The following PCDH9 variants were observed in gnomAD, a reference collection of about 807,000 sequenced individuals.
PCDH9 encodes the protein protocadherin 9.
Under a neutral mutation model 70.6 loss-of-function variants are expected in PCDH9, and 24 were observed. The observed-to-expected ratio is 0.34, with a 90% CI of 0.25 to 0.48. The LOEUF (loss-of-function observed/expected upper bound fraction) is 0.48. Among genes scored for constraint, PCDH9 ranks in the 20% least tolerant of loss-of-function variants. PCDH9 has a pLI of 0.99. For synonymous variants in PCDH9, 562 were observed against 558.5 expected (o/e 1.01, Z -0.09); for missense variants, 1,281 against 1,503.6 (o/e 0.85, Z 2.45).
At chr13:67,211,852 A>C (rs917536695) in intron 2 of PCDH9, 1 of 152,104 alleles carries the variant, frequency 6.6e-6, no homozygotes, top group Non-Finnish European at 1.5e-5. Flanking sequence ...TCTATGTTCC[A>C]TATCTGTGGT....
chr13:67,161,940 G>A (rs2087974152), intron 2 of PCDH9, among the ~76,000 whole-genome samples: 1 of 152,120 alleles, frequency 6.6e-6, no homozygotes, highest in Admixed American at 6.6e-5. Flanking sequence ...TATTCTGTGG[G>A]CAATAAATAG....
At chr13:67,200,153 C>T (rs2089173458) in intron 2 of PCDH9, among the ~76,000 whole-genome samples, 1 of 151,994 alleles carries the variant, frequency 6.6e-6, no homozygotes, top group Non-Finnish European at 1.5e-5. Flanking sequence ...CATGCTGGGA[C>T]TTTTAAATGG....
chr13:66,889,512 T>C (rs1362946806), intron 3 of PCDH9, among the ~76,000 whole-genome samples: 1 of 152,162 alleles, frequency 6.6e-6, no homozygotes, highest in Non-Finnish European at 1.5e-5. Context: ...TTTTGTATTT[T>C]CAATGAAGTG....
chr13:66,651,117 C>A (rs1172815628), intron 3 of PCDH9, among the ~76,000 whole-genome samples: 1 of 151,102 alleles, frequency 6.6e-6, no homozygotes, highest in East Asian at 1.9e-4. Context: ...AAAAATGCAT[C>A]TTAGAGAACT....
intron 2 of PCDH9, among the ~76,000 whole-genome samples, chr13:67,118,166 T>G (rs1263104656): frequency 6.6e-6 from 1 of 151,886 alleles, no homozygotes; most frequent in Non-Finnish European, 1.5e-5. Context: ...AAAATTCTGC[T>G]GCGGATACTT....
intron 4 of PCDH9, among the ~76,000 whole-genome samples, chr13:66,595,066 AAC>A (rs2077086262): frequency 6.6e-6 from 1 of 151,228 alleles, no homozygotes; most frequent in Non-Finnish European, 1.5e-5. Flanking sequence ...CACACACACA[AAC>A]ACACACATTT....
chr13:66,671,456 G>A (rs1328917132), intron 3 of PCDH9, among the ~76,000 whole-genome samples: 2 of 152,200 alleles, frequency 1.3e-5, no homozygotes, highest in Non-Finnish European at 1.5e-5. Flanking sequence ...GGAGGGCTCA[G>A]AAGAAAGGAA....
At chr13:66,952,470 T>A (rs1198981363) in intron 2 of PCDH9, among the ~76,000 whole-genome samples, 1 of 152,170 alleles carries the variant, frequency 6.6e-6, no homozygotes. Flanking sequence ...TTATATTCTA[T>A]TTTTTCTGAT....
chr13:66,978,816 G>A (rs202078861), intron 2 of PCDH9, among the ~76,000 whole-genome samples: 1 of 6,210 alleles, frequency 1.6e-4, no homozygotes, highest in African/African-American at 3.8e-4. Context: ...ATGTATATAT[G>A]TGTGTATATA....
At position 66,438,140 on chromosome 13, in the gene PCDH9, G is replaced by A. The variant is rs529335781; in HGVS notation, c.3341-133112C>T. ...TCCCGGATACTCAGGAGGCTGAGGC[G>A]GGATAATTGTTTGAAACCGGGAGGT... On this transcript the variant is annotated intron_variant, in intron 4 of 4. Transcript: ENST00000377865. Among the ~76,000 whole-genome samples, 15 of 151,746 alleles carry A rather than the reference G, an allele frequency of 9.9e-5. No homozygotes were observed. The East Asian group carries it at 1.2e-3, about 12-fold the overall frequency.
At position 67,226,010 on chromosome 13, in the gene PCDH9, C is replaced by T; in HGVS notation, c.2431G>A (p.Asp811Asn). ...ATGGCAATCATGATGGTTAGATAGT[C>T]CTCATTTTGATAGGGTTGGCTACTA... ...GDSSQPYQNE[D>N]YLTIMIAIIA... Residue 811 changes from aspartate to asparagine, a missense_variant, in exon 2 of 5, where the codon GAC (aspartate) becomes AAC (asparagine). Asp to Asn is a conservative substitution (Grantham distance 23, BLOSUM62 1). Coordinates refer to ENST00000377865, the MANE Select transcript of PCDH9 (RefSeq NM_203487.3). The surrounding 1 kb of genome is among the most constrained non-coding windows in gnomAD (Gnocchi z 5.0). 1 of 1,614,032 alleles carries T rather than the reference C, an allele frequency of 6.2e-7. No homozygotes were observed. The highest frequency in any genetic ancestry group is 1.1e-5 in the South Asian group (1 of 91,080).
chr13:66,598,221 C>T (rs982635462), intron 4 of PCDH9, among the ~76,000 whole-genome samples: 3 of 151,738 alleles, frequency 2.0e-5, no homozygotes, highest in Non-Finnish European at 4.4e-5. Flanking sequence ...ACCCAACAAT[C>T]TCACTTCTGG....
At chr13:66,994,232 C>T (rs1360813942) in intron 2 of PCDH9, among the ~76,000 whole-genome samples, 1 of 152,064 alleles carries the variant, frequency 6.6e-6, no homozygotes, top group Non-Finnish European at 1.5e-5. Flanking sequence ...AAACTGATTC[C>T]AGGAATGCAA....
At chr13:67,139,566 T>C (rs1455820626) in intron 2 of PCDH9, among the ~76,000 whole-genome samples, 1 of 152,238 alleles carries the variant, frequency 6.6e-6, no homozygotes, top group Non-Finnish European at 1.5e-5. Flanking sequence ...AATGCACTAT[T>C]GTAAGATTTC....
intron 3 of PCDH9, among the ~76,000 whole-genome samples, chr13:66,671,763 AT>A (rs1338375894): frequency 3.9e-5 from 6 of 152,220 alleles, no homozygotes; most frequent in Non-Finnish European, 8.8e-5. Context: ...TCTTAAAAGC[AT>A]TTAGTTTTAT....
chr13:66,451,292 A>G (rs1958203810), intron 4 of PCDH9, among the ~76,000 whole-genome samples: 1 of 152,186 alleles, frequency 6.6e-6, no homozygotes. Flanking sequence ...ATGACTGTCT[A>G]TTTTACTAAC....
At chr13:66,390,844 A>G (rs1212576879) in intron 4 of PCDH9, among the ~76,000 whole-genome samples, 1 of 152,184 alleles carries the variant, frequency 6.6e-6, no homozygotes, top group Non-Finnish European at 1.5e-5. Flanking sequence ...AGAAACTGCT[A>G]TCATGGAGAA....
chr13:66,507,698 TTTTGTTTGTTTG>T (rs143044642), intron 4 of PCDH9, among the ~76,000 whole-genome samples: 187 of 149,566 alleles, frequency 1.3e-3, no homozygotes, highest in South Asian at 0.012. Flanking sequence ...TTCCTTTCTT[TTTTGTTTGTTTG>T]TTTGTTTGTT....
chr13:67,124,037 T>C (rs1300504125), intron 2 of PCDH9, among the ~76,000 whole-genome samples: 4 of 152,126 alleles, frequency 2.6e-5, no homozygotes, highest in African/African-American at 7.2e-5. Flanking sequence ...ATATGAATCA[T>C]TCGTTGTAAT....
Sources: gnomAD v4.1 joint callset for allele counts (sites outside exome capture counted in the v4.1 genomes callset) on GRCh38, gnomAD v4.1.1 for gene constraint, Gnocchi (gnomAD v3.1) non-coding constraint, MANE v1.5 for transcripts, NCBI Gene and HGNC (gene_info 2026-07-23, HGNC 2026-07-21) for gene names.